The following PRUNE2 variants were observed in gnomAD, a reference collection of about 807,000 sequenced individuals.
PRUNE2 encodes the protein protein prune homolog 2.
Under a neutral mutation model 252.0 loss-of-function variants are expected in PRUNE2, and 164 were observed. The observed-to-expected ratio is 0.65, with a 90% confidence interval of 0.57 to 0.74. The LOEUF is 0.74. Ranked by LOEUF, PRUNE2 falls within the 30% of genes least tolerant of loss-of-function variation. The pLI, the probability that PRUNE2 is intolerant of heterozygous loss-of-function variation, is 0.00. For missense variants in PRUNE2, 3,495 were observed against 3,711.0 expected, an observed-to-expected ratio of 0.94 and a Z score of 1.51; for synonymous variants, 1,292 against 1,350.2, an observed-to-expected ratio of 0.96 and a Z score of 0.94.
intron 1 of PRUNE2, among the ~76,000 whole-genome samples, chr9:76,883,300 C>G (rs918687058): frequency 1.3e-5 from 2 of 152,206 alleles, no homozygotes; most frequent in African/African-American, 4.8e-5. Flanking sequence ...AAAAACATCG[C>G]ACCTTTCGGG....
At position 76,703,886 on chromosome 9, in the gene PRUNE2, T is replaced by A. The variant is rs2046097361; in HGVS notation, c.7727A>T (p.Glu2576Val). 1 of 1,613,804 alleles carries A rather than the reference T, an allele frequency of 6.2e-7. No individual in the cohort carries two copies. Among genetic ancestry groups the A allele is most frequent in the Non-Finnish European group, 8.5e-7 (1 of 1,179,876 alleles). The change falls in exon 9 of 19, where the codon GAA becomes GTA. Residue 2576 changes from glutamate to valine, a missense_variant. By Grantham distance (121) the Glu-to-Val change is moderately radical. Coordinates refer to ENST00000376718, the MANE Select transcript of PRUNE2 (RefSeq NM_015225.3). Reference protein sequence around the residue: ...CEERESIAELELYVGSKETGL... With the variant: ...CEERESIAELVLYVGSKETGL... ...TGTTTCTTTGGAACCTACATACAAT[T>A]CTAATTCAGCTATGCTTTCTCTTTC... is the stretch of plus-strand genomic sequence containing the variant.
At chr9:76,822,918 A>G (rs2058118607) in intron 6 of PRUNE2, among the ~76,000 whole-genome samples, 1 of 152,254 alleles carries the variant, frequency 6.6e-6, no homozygotes, top group African/African-American at 2.4e-5. Context: ...TAAGTGCCCA[A>G]CCAAATGTAG....
At chr9:76,676,330 TTAAA>T (rs2042581572) in intron 9 of PRUNE2, among the ~76,000 whole-genome samples, 1 of 148,762 alleles carries the variant, frequency 6.7e-6, no homozygotes, top group Admixed American at 6.8e-5. Context: ...AAGGGAATGA[TTAAA>T]TATAGCATGA....
At chr9:76,856,594 T>C (rs2060261913) in intron 1 of PRUNE2, 1 of 152,872 alleles carries the variant, frequency 6.5e-6, no homozygotes, top group South Asian at 2.1e-4. Context: ...AAGATAATTA[T>C]AAGGTTAATT....
chr9:76,887,643 C>G (rs2062184406), intron 1 of PRUNE2, among the ~76,000 whole-genome samples: 1 of 152,170 alleles, frequency 6.6e-6, no homozygotes, highest in Non-Finnish European at 1.5e-5. Flanking sequence ...CATTTCTGAG[C>G]AGAAGCTTTA....
At chr9:76,846,381 C>A in intron 4 of PRUNE2, 134 bp downstream of exon 4, 3 of 642,516 alleles carry the variant, frequency 4.7e-6, no homozygotes, top group Non-Finnish European at 7.7e-6. Flanking sequence ...TTACTCCCTG[C>A]CTCTCTGATG....
chr9:76,823,837 C>G, intron 5 of PRUNE2, 111 bp from the exon 6 acceptor site: 1 of 664,404 alleles, frequency 1.5e-6, no homozygotes, highest in Non-Finnish European at 2.7e-6. Flanking sequence ...CTTTGCCCCT[C>G]AAATGTCACT....
At position 76,709,034 on chromosome 9, in the gene PRUNE2, G is replaced by A. The variant is rs534534621; in HGVS notation, c.3240C>T (p.Asp1080=). 1.1e-5 allele frequency: 18 copies of A among 1,613,940 alleles called. No homozygotes were observed. Among genetic ancestry groups the A allele is most frequent in the Admixed American group, 1.0e-4 (6 of 60,018 alleles). Residue 1080 remains aspartate (D), a synonymous_variant, in exon 8 of 19, where the codon GAC becomes GAT. Transcript: ENST00000376718. The part of the protein sequence containing the change: ...DVGESSQSSY[D]DPSMMQLYNE... ...TGTACAGTTGCATCATGCTGGGGTC[G>A]TCGTAACTGGACTGGCTGCTTTCCC...
chr9:76,614,693 C>A, intron 18 of PRUNE2, 93 bp from the exon 19 acceptor site: 2 of 919,038 alleles, frequency 2.2e-6, no homozygotes, highest in Non-Finnish European at 3.4e-6. Context: ...CTTTTTTCCT[C>A]AAAGGACATA....
chr9:76,634,785 C>A (rs1043814564), intron 15 of PRUNE2, among the ~76,000 whole-genome samples: 7 of 152,140 alleles, frequency 4.6e-5, no homozygotes, highest in Admixed American at 1.3e-4. Context: ...CAAGAAAAAA[C>A]ATTTGTTTTA....
chr9:76,660,798 A>G (rs111377082), intron 9 of PRUNE2, among the ~76,000 whole-genome samples: 144 of 141,074 alleles, frequency 1.0e-3, no homozygotes, highest in South Asian at 2.8e-3. Context: ...AAAAAAAAAA[A>G]AAAGAAAGAA....
intron 9 of PRUNE2, among the ~76,000 whole-genome samples, chr9:76,675,961 T>C (rs1448751356): frequency 1.4e-5 from 2 of 146,858 alleles, no homozygotes; most frequent in South Asian, 4.5e-4. Flanking sequence ...ATATACCTAA[T>C]GCTAGATGAC....
At position 76,836,631 on chromosome 9, in the gene PRUNE2, T is replaced by G. The variant is rs2058994550; in HGVS notation, c.508+9884A>C. On this transcript the variant is annotated intron_variant, in intron 4 of 18. Transcript: ENST00000376718. ...TGAAAGTGGATACTAATGATTTGTTTCCTGAAATTTCTAAGTTTGGGGGTA... is the reference window on the plus strand; with the variant it reads ...TGAAAGTGGATACTAATGATTTGTTGCCTGAAATTTCTAAGTTTGGGGGTA... 1.3e-5 allele frequency among the ~76,000 whole-genome samples: 2 copies of G among 152,168 alleles called. 1 individual carries two copies. The highest frequency in any genetic ancestry group is 4.1e-4 in the South Asian group (2 of 4,830).
At chr9:76,620,829 A>C (rs1362420215) in intron 17 of PRUNE2, among the ~76,000 whole-genome samples, 1 of 152,178 alleles carries the variant, frequency 6.6e-6, no homozygotes, top group Non-Finnish European at 1.5e-5. Context: ...AATTTTGAGT[A>C]ATCCTCCCAA....
chr9:76,861,947 C>T (rs536769823), intron 1 of PRUNE2, among the ~76,000 whole-genome samples: 1 of 152,284 alleles, frequency 6.6e-6, no homozygotes, highest in East Asian at 1.9e-4. Flanking sequence ...AGGGAATTGT[C>T]CTGCATAGCC....
chr9:76,654,051 G>T (rs1187692156), intron 10 of PRUNE2, among the ~76,000 whole-genome samples: 2 of 152,118 alleles, frequency 1.3e-5, no homozygotes, highest in Non-Finnish European at 2.9e-5. Context: ...TCCTAAGGTG[G>T]ATAGTGTCAG....
intron 1 of PRUNE2, among the ~76,000 whole-genome samples, chr9:76,871,288 A>T (rs943237499): frequency 6.6e-6 from 1 of 152,234 alleles, no homozygotes; most frequent in African/African-American, 2.4e-5. Context: ...TCCTTCAACA[A>T]TTTACATAGC....
At chr9:76,846,398 C>G in intron 4 of PRUNE2, 117 bp downstream of exon 4, 1 of 778,862 alleles carries the variant, frequency 1.3e-6, no homozygotes, top group Non-Finnish European at 2.0e-6. Context: ...GATGAAGCTT[C>G]CCGTGGTCTT....
intron 6 of PRUNE2, among the ~76,000 whole-genome samples, chr9:76,794,237 T>C (rs141370219): frequency 4.8e-4 from 73 of 152,238 alleles, no homozygotes; most frequent in African/African-American, 1.8e-3. Flanking sequence ...TATGCTGATA[T>C]GGCAAATGGC....
Sources: gnomAD v4.1 joint callset for allele counts (sites outside exome capture counted in the v4.1 genomes callset) on GRCh38, gnomAD v4.1.1 for gene constraint, MANE v1.5 for transcripts, NCBI Gene and HGNC (gene_info 2026-07-23, HGNC 2026-07-21) for gene names.